ADK: variants seen among roughly 807,000 people sequenced by gnomAD.
The protein encoded by ADK is N6,N6-dimethyladenosine kinase.
A neutral mutation model predicts 44.7 loss-of-function variants in ADK; 24 were observed. The ratio of observed to expected loss-of-function variants is 0.54; its 90% CI spans 0.39 to 0.76. The LOEUF is 0.76. Among genes scored for constraint, ADK ranks in the 30% least tolerant of loss-of-function variants. The probability of loss-of-function intolerance (pLI) is 0.00; values close to 1 mark genes in which losing one functional copy is unlikely to be tolerated. For synonymous variants in ADK, 128 were observed against 142.6 expected, an observed-to-expected ratio of 0.90 and a Z score of 0.73; for missense variants, 321 against 425.1, an observed-to-expected ratio of 0.76 and a Z score of 2.15.
chr10:74,255,107 A>T (rs776840735), intron 3 of ADK, among the ~76,000 whole-genome samples: 8 of 152,202 alleles, frequency 5.3e-5, no homozygotes, highest in Non-Finnish European at 1.2e-4. Context: ...TATAGAAAAC[A>T]ATAGTAGGTT....
At chr10:74,541,448 T>C (rs1849622371) in intron 7 of ADK, among the ~76,000 whole-genome samples, 1 of 152,214 alleles carries the variant, frequency 6.6e-6, no homozygotes, top group Non-Finnish European at 1.5e-5. Context: ...GTTACCACAT[T>C]TCCTTCGTCT....
intron 10 of ADK, among the ~76,000 whole-genome samples, chr10:74,686,801 C>T (rs1855807428): frequency 6.6e-6 from 1 of 152,062 alleles, no homozygotes; most frequent in Non-Finnish European, 1.5e-5. Context: ...CTCAGCCTCC[C>T]AAGTAGCTGG....
chr10:74,230,900 T>A (rs1237349600), intron 3 of ADK, among the ~76,000 whole-genome samples: 1 of 152,198 alleles, frequency 6.6e-6, no homozygotes, highest in African/African-American at 2.4e-5. Context: ...CAGGCTGGTC[T>A]CAAACTCCTG....
At chr10:74,599,892 A>T (rs1347634349) in intron 8 of ADK, among the ~76,000 whole-genome samples, 1 of 152,180 alleles carries the variant, frequency 6.6e-6, no homozygotes, top group Non-Finnish European at 1.5e-5. Flanking sequence ...CAGCATAATT[A>T]TGTTCTGTAA....
intron 6 of ADK, among the ~76,000 whole-genome samples, chr10:74,409,531 A>G (rs1289264424): frequency 2.0e-5 from 3 of 151,946 alleles, no homozygotes; most frequent in Admixed American, 2.0e-4. Context: ...ACTCATGCCT[A>G]TTTTCTTTTT....
intron 9 of ADK, among the ~76,000 whole-genome samples, chr10:74,648,358 G>C (rs764487747): frequency 4.6e-5 from 7 of 152,148 alleles, no homozygotes; most frequent in South Asian, 2.1e-4. Context: ...AGTATTGCTG[G>C]TTTGTAACTC....
chr10:74,255,154 G>A (rs1845782127), intron 3 of ADK, among the ~76,000 whole-genome samples: 1 of 152,108 alleles, frequency 6.6e-6, no homozygotes, highest in South Asian at 2.1e-4. Flanking sequence ...TGAAAATGAG[G>A]TCCTAGTTGG....
At chr10:74,330,656 G>C (rs1023716913) in intron 4 of ADK, among the ~76,000 whole-genome samples, 1 of 152,158 alleles carries the variant, frequency 6.6e-6, no homozygotes, top group African/African-American at 2.4e-5. Context: ...CAACTGCTAT[G>C]TTCTTGAGGA....
At chr10:74,482,369 A>G (rs765872944) in intron 6 of ADK, among the ~76,000 whole-genome samples, 1 of 152,108 alleles carries the variant, frequency 6.6e-6, no homozygotes, top group Non-Finnish European at 1.5e-5. Context: ...AAGGGGAAAA[A>G]TCCACCCTCA....
intron 6 of ADK, among the ~76,000 whole-genome samples, chr10:74,463,613 C>T (rs965630787): frequency 1.3e-5 from 2 of 152,130 alleles, no homozygotes; most frequent in Non-Finnish European, 2.9e-5. Context: ...GCTGTGTGGC[C>T]CAGTTCCTAA....
intron 6 of ADK, among the ~76,000 whole-genome samples, chr10:74,474,256 A>G (rs111673684): frequency 6.6e-6 from 1 of 152,038 alleles, no homozygotes; most frequent in Non-Finnish European, 1.5e-5. Flanking sequence ...GGCATGTGCC[A>G]CCACGCCCAA....
At chr10:74,361,184 G>A (rs973805629) in intron 4 of ADK, among the ~76,000 whole-genome samples, 7 of 152,214 alleles carry the variant, frequency 4.6e-5, no homozygotes, top group African/African-American at 7.2e-5. Context: ...GATTACAGGC[G>A]TGAGCCACTG....
chr10:74,520,286 G>A (rs1352987222), intron 6 of ADK, among the ~76,000 whole-genome samples: 1 of 151,422 alleles, frequency 6.6e-6, no homozygotes, highest in Non-Finnish European at 1.5e-5. Flanking sequence ...ATTATATTCT[G>A]ATCAGAATAT....
intron 3 of ADK, among the ~76,000 whole-genome samples, chr10:74,259,020 C>T (rs1238094804): frequency 6.9e-6 from 1 of 144,222 alleles, no homozygotes; most frequent in Non-Finnish European, 1.5e-5. Context: ...GGCATGATCT[C>T]GGCTCATTGC....
chr10:74,411,416 A>G (rs1466614230), intron 6 of ADK, among the ~76,000 whole-genome samples: 1 of 152,278 alleles, frequency 6.6e-6, no homozygotes, highest in African/African-American at 2.4e-5. Flanking sequence ...TAAAGCAAAT[A>G]TCACAATAAA....
At chr10:74,337,654 G>A (rs1259944623) in intron 4 of ADK, among the ~76,000 whole-genome samples, 2 of 152,002 alleles carry the variant, frequency 1.3e-5, no homozygotes, top group African/African-American at 4.8e-5. Flanking sequence ...TATTACTACA[G>A]CTGGCTTCAT....
At chr10:74,670,397 T>G (rs1855125658) in intron 10 of ADK, 128 bp downstream of exon 10, 2 of 727,184 alleles carry the variant, frequency 2.8e-6, no homozygotes, top group Non-Finnish European at 4.7e-6. Flanking sequence ...CTTCTGAAGT[T>G]CTTTCCATAT....
chr10:74,427,871 T>G (rs540946797), intron 6 of ADK, among the ~76,000 whole-genome samples: 1 of 152,266 alleles, frequency 6.6e-6, no homozygotes, highest in South Asian at 2.1e-4. Flanking sequence ...AAGGCTGCTG[T>G]AATAAATTAC....
At chr10:74,683,831 T>G (rs892436019) in intron 10 of ADK, among the ~76,000 whole-genome samples, 4 of 152,238 alleles carry the variant, frequency 2.6e-5, no homozygotes, top group African/African-American at 9.6e-5. Context: ...TTTACCAGAC[T>G]GTTTGCTCCA....
Sources: gnomAD v4.1 joint callset for allele counts (sites outside exome capture counted in the v4.1 genomes callset) on GRCh38, gnomAD v4.1.1 for gene constraint, MANE v1.5 for transcripts, NCBI Gene and HGNC (gene_info 2026-07-23, HGNC 2026-07-21) for gene names.